Variants in CD99 observed in about 807,000 individuals in gnomAD.
The protein encoded by CD99 is CD99 molecule (Xg blood group).
A neutral mutation model predicts 28.4 loss-of-function variants in CD99; 19 were observed. The observed-to-expected ratio is 0.67, with a 90% CI of 0.47 to 0.98. CD99 has a LOEUF of 0.98. Ranked by LOEUF, CD99 falls within the 50% of genes least tolerant of loss-of-function variation. CD99 has a pLI of 0.00. For missense variants in CD99, 283 were observed against 248.8 expected, an observed-to-expected ratio of 1.14 and a Z score of -0.92; for synonymous variants, 103 against 92.1, an observed-to-expected ratio of 1.12 and a Z score of -0.67.
chrX:2,736,313 G>A (rs1409349329), intron 8 of CD99, among the ~76,000 whole-genome samples: 1 of 151,976 alleles, frequency 6.6e-6, no homozygotes, highest in African/African-American at 2.4e-5. Flanking sequence ...CAAATAGCAC[G>A]GTCTTTGTGA....
chrX:2,698,691 T>A (rs2047692301), intron 1 of CD99, among the ~76,000 whole-genome samples: 1 of 152,132 alleles, frequency 6.6e-6, no homozygotes, highest in Non-Finnish European at 1.5e-5. Flanking sequence ...GGTGGACATA[T>A]TTTAATCCTA....
intron 1 of CD99, among the ~76,000 whole-genome samples, chrX:2,710,982 T>A (rs1253191972): frequency 6.7e-6 from 1 of 148,466 alleles, no homozygotes; most frequent in Non-Finnish European, 1.5e-5. Context: ...GCGATTTTCC[T>A]GCCTCAGCCT....
chrX:2,729,073 C>T (rs1220665356), intron 8 of CD99, among the ~76,000 whole-genome samples: 4 of 150,838 alleles, frequency 2.7e-5, no homozygotes, highest in Non-Finnish European at 5.9e-5. Context: ...TCAGGTGGTT[C>T]CCCCCCGCAA....
In CD99 at chrX:2,691,708, T is replaced by A. The variant is rs310134; in HGVS notation, c.67+281T>A. ...GGCCTTGGGAGAGGTGCGTCCGATTTTTCCCAATCTAGGGGACCTTCTTAC... is the reference window on the plus strand; with the variant it reads ...GGCCTTGGGAGAGGTGCGTCCGATTATTCCCAATCTAGGGGACCTTCTTAC... On this transcript the variant is annotated intron_variant, in intron 1 of 9. Coordinates refer to ENST00000381192, the MANE Select transcript of CD99 (RefSeq NM_002414.5). 43 of 705,200 alleles carry A rather than the reference T, an allele frequency of 6.1e-5. No homozygotes were observed. The East Asian group carries it at 1.1e-3, about 18-fold the overall frequency. The allele number at this position is 705,200 out of a possible 1,614,324, so 43.7% of individuals were successfully genotyped here.
intron 8 of CD99, among the ~76,000 whole-genome samples, chrX:2,735,872 G>A (rs311093): frequency 0.43 from 65,297 of 151,840 alleles, 14,224 homozygotes; most frequent in African/African-American, 0.49. Flanking sequence ...TTCACGTAGC[G>A]TAAACTGGCG....
chrX:2,718,615 C>T (rs7054709), intron 3 of CD99, among the ~76,000 whole-genome samples: 9,344 of 151,834 alleles, frequency 0.062, 411 homozygotes, highest in East Asian at 0.17. Context: ...GTGATCCACG[C>T]GCCTTGGCCT....
chrX:2,739,170 G>A (rs2050086672), intron 9 of CD99, among the ~76,000 whole-genome samples: 1 of 152,092 alleles, frequency 6.6e-6, no homozygotes, highest in South Asian at 2.1e-4. Flanking sequence ...CACCCAGCCT[G>A]CTATCACCTT....
At chrX:2,695,799 A>G (rs1468157549) in intron 1 of CD99, among the ~76,000 whole-genome samples, 1 of 151,814 alleles carries the variant, frequency 6.6e-6, no homozygotes, top group Non-Finnish European at 1.5e-5. Context: ...ACACCTGGCT[A>G]TTTTTTGTAT....
intron 9 of CD99, among the ~76,000 whole-genome samples, chrX:2,739,264 AT>A (rs1185633112): frequency 6.6e-6 from 1 of 152,082 alleles, no homozygotes; most frequent in Non-Finnish European, 1.5e-5. Flanking sequence ...AAAGGCAGGC[AT>A]TTTGCCATCA....
chrX:2,728,893 G>A (rs776650842), intron 8 of CD99, among the ~76,000 whole-genome samples: 2 of 129,222 alleles, frequency 1.5e-5, no homozygotes, highest in South Asian at 4.5e-4. Flanking sequence ...ATGGAGGGCA[G>A]TGGTGCAATC....
chrX:2,733,439 C>T, intron 8 of CD99: 1 of 1,523,320 alleles, frequency 6.6e-7, no homozygotes, highest in African/African-American at 1.4e-5. Flanking sequence ...TCTGCTAAGA[C>T]ATAGCCTTAA....
intron 1 of CD99, among the ~76,000 whole-genome samples, chrX:2,700,980 C>T: frequency 6.8e-6 from 1 of 147,662 alleles, no homozygotes; most frequent in South Asian, 2.2e-4. Flanking sequence ...CACTCATCCA[C>T]TTAACTACCC....
At chrX:2,736,166 C>T (rs765367211) in intron 8 of CD99, among the ~76,000 whole-genome samples, 14 of 148,142 alleles carry the variant, frequency 9.5e-5, no homozygotes, top group African/African-American at 2.3e-4. Context: ...CGCGCCACTG[C>T]GTTCCAGCCT....
At chrX:2,693,530 A>G (rs1281141950) in intron 1 of CD99, among the ~76,000 whole-genome samples, 1 of 152,024 alleles carries the variant, frequency 6.6e-6, no homozygotes, top group East Asian at 1.9e-4. Flanking sequence ...ATATTAATAC[A>G]CGTTTCATCG....
intron 1 of CD99, among the ~76,000 whole-genome samples, chrX:2,700,113 G>A (rs2047776119): frequency 6.6e-6 from 1 of 152,176 alleles, no homozygotes; most frequent in Admixed American, 6.5e-5. Context: ...GGGCTTGGGA[G>A]TTGGTGGCTG....
intron 1 of CD99, among the ~76,000 whole-genome samples, chrX:2,699,148 G>T: frequency 1.4e-5 from 2 of 147,634 alleles, no homozygotes; most frequent in Non-Finnish European, 1.5e-5. Context: ...CTTTTCTTTT[G>T]TTTTCTCTTC....
chrX:2,738,716 CAT>C (rs1315163789), intron 9 of CD99, among the ~76,000 whole-genome samples: 2 of 148,930 alleles, frequency 1.3e-5, no homozygotes, highest in Non-Finnish European at 3.0e-5. Context: ...CACAGTGAGA[CAT>C]GTTTCAAAAA....
rs114304404 is a variant in CD99 at position 2,714,483 on chromosome X, C to T, written c.100+29C>T. The T allele has an allele frequency of 3.0e-4, 474 of 1,565,802 alleles. No individual in the cohort carries two copies. The African/African-American group carries it at 5.9e-3, about 19-fold the overall frequency. On this transcript the variant is annotated intron_variant, in intron 2 of 9. Transcript: ENST00000381192. ...AGTATCAACATCATTTTTTAAAATC[C>T]CGTCAATATTTTATGTTAACATAGT... is the stretch of plus-strand genomic sequence containing the variant.
In CD99 at chrX:2,738,124, A is replaced by G. The variant is rs761269556; in HGVS notation, c.476-76A>G. On this transcript the variant is annotated intron_variant, in intron 8 of 9. Coordinates refer to ENST00000381192, the MANE Select transcript of CD99 (RefSeq NM_002414.5). ...GGAGCGTCGACCTCAGGAAAGCCCAAGTGTTTTGTGTGTATTTTGAGGAGT... is the reference window on the plus strand; with the variant it reads ...GGAGCGTCGACCTCAGGAAAGCCCAGGTGTTTTGTGTGTATTTTGAGGAGT... 5.3e-5 allele frequency: 72 copies of G among 1,361,980 alleles called. No homozygotes were observed. The African/African-American group carries it at 7.7e-4, about 15-fold the overall frequency. The allele number at this position is 1,361,980 out of a possible 1,614,324, so 84.4% of individuals were successfully genotyped here.
Sources: allele counts gnomAD v4.1 joint callset (sites outside exome capture counted in the v4.1 genomes callset), GRCh38; gene constraint gnomAD v4.1.1; transcripts MANE v1.5; gene names NCBI Gene and HGNC (gene_info 2026-07-23, HGNC 2026-07-21).